PRUNE2: variants seen among roughly 807,000 people sequenced by gnomAD.
PRUNE2 encodes prune homolog 2 with BCH domain, also known as protein prune homolog 2.
Under a neutral mutation model 252.0 loss-of-function variants are expected in PRUNE2, and 164 were observed. The ratio of observed to expected loss-of-function variants is 0.65; its 90% CI spans 0.57 to 0.74. The LOEUF (loss-of-function observed/expected upper bound fraction) is 0.74. PRUNE2 is among the 30% of genes least tolerant of loss of function. The pLI, the probability that PRUNE2 is intolerant of heterozygous loss-of-function variation, is 0.00. For missense variants in PRUNE2, 3,495 were observed against 3,711.0 expected, an observed-to-expected ratio of 0.94 and a Z score of 1.51; for synonymous variants, 1,292 against 1,350.2, an observed-to-expected ratio of 0.96 and a Z score of 0.94.
At chr9:76,620,676 C>T (rs1275374189) in intron 17 of PRUNE2, among the ~76,000 whole-genome samples, 1 of 152,026 alleles carries the variant, frequency 6.6e-6, no homozygotes, top group East Asian at 1.9e-4. Flanking sequence ...TGCTGGTGGT[C>T]TGATATTTTT....
intron 6 of PRUNE2, among the ~76,000 whole-genome samples, chr9:76,776,157 T>C (rs1589158533): frequency 1.3e-5 from 2 of 152,310 alleles, no homozygotes; most frequent in Middle Eastern, 6.8e-3. Flanking sequence ...TTTTTGTAAA[T>C]TTTAGGGGGT....
rs73653238 is a variant in PRUNE2 at position 76,873,938 on chromosome 9, G to T, written c.37-19730C>A. Among the ~76,000 whole-genome samples, 1,041 of 152,298 alleles carry T rather than the reference G, an allele frequency of 6.8e-3. 11 individuals carry two copies. The highest frequency in any genetic ancestry group is 0.023 in the African/African-American group (974 of 41,562). ...ACCATATGCTTATAAATGTTATTCTGCAGGGAACCAATTAAAACTATGGAA... is the reference window on the plus strand; with the variant it reads ...ACCATATGCTTATAAATGTTATTCTTCAGGGAACCAATTAAAACTATGGAA... On this transcript the variant is annotated intron_variant, in intron 1 of 18. Coordinates refer to ENST00000376718, the MANE Select transcript of PRUNE2 (RefSeq NM_015225.3).
At chr9:76,853,896 G>A (rs1188377617) in intron 2 of PRUNE2, among the ~76,000 whole-genome samples, 1 of 152,152 alleles carries the variant, frequency 6.6e-6, no homozygotes, top group Non-Finnish European at 1.5e-5. Context: ...AGGAGAGTTG[G>A]TAAGAAATAG....
At chr9:76,681,713 T>C (rs1465076230) in intron 9 of PRUNE2, among the ~76,000 whole-genome samples, 1 of 152,126 alleles carries the variant, frequency 6.6e-6, no homozygotes, top group African/African-American at 2.4e-5. Context: ...AGAAAGGTGC[T>C]CTTCAACCGC....
At chr9:76,748,970 C>T (rs1162326959) in intron 6 of PRUNE2, among the ~76,000 whole-genome samples, 1 of 152,088 alleles carries the variant, frequency 6.6e-6, no homozygotes, top group Non-Finnish European at 1.5e-5. Flanking sequence ...CACCCACTCC[C>T]GACCTCCGTA....
At chr9:76,873,701 A>G (rs2061342033) in intron 1 of PRUNE2, among the ~76,000 whole-genome samples, 1 of 152,214 alleles carries the variant, frequency 6.6e-6, no homozygotes, top group Non-Finnish European at 1.5e-5. Flanking sequence ...CAAACCCATG[A>G]TGAAAGCTTT....
chr9:76,889,218 T>C (rs2133450113), intron 1 of PRUNE2, among the ~76,000 whole-genome samples: 1 of 152,246 alleles, frequency 6.6e-6, no homozygotes, highest in African/African-American at 2.4e-5. Context: ...CTGTGTTTTG[T>C]ATGAGAAAAG....
intron 4 of PRUNE2, among the ~76,000 whole-genome samples, chr9:76,834,179 G>A (rs574917512): frequency 3.3e-5 from 5 of 152,140 alleles, no homozygotes; most frequent in East Asian, 1.9e-4. Context: ...CACCGTGCCC[G>A]GCCCCAAGAT....
At position 76,726,312 on chromosome 9, in the gene PRUNE2, T is replaced by TCCTAGAAGAGGGATGCTGA. The variant is rs1264005496; in HGVS notation, c.757-12610_757-12592dup. On this transcript the variant is annotated intron_variant, in intron 6 of 18. Transcript: ENST00000376718. ...ACAAAGTTGGTGGGTAAGAGTCACTTCCTAGAAGAGGGATGCTGAGCAGAT... is the reference window on the plus strand; with the variant it reads ...ACAAAGTTGGTGGGTAAGAGTCACTTCCTAGAAGAGGGATGCTGACCTAGAAGAGGGATGCTGAGCAGAT... Among the ~76,000 whole-genome samples the TCCTAGAAGAGGGATGCTGA allele has an allele frequency of 2.0e-5, 3 of 152,278 alleles. No homozygotes were observed. The East Asian group carries it at 5.8e-4, about 29-fold the overall frequency.
intron 4 of PRUNE2, among the ~76,000 whole-genome samples, chr9:76,845,286 G>A (rs2059615849): frequency 6.6e-6 from 1 of 152,144 alleles, no homozygotes; most frequent in Non-Finnish European, 1.5e-5. Context: ...AATAACGCAT[G>A]TATTTTCACA....
Position 76,713,574 on chromosome 9 carries a change from G to C in PRUNE2, c.904C>G (p.Leu302Val). 1 of 1,610,522 alleles carries C rather than the reference G, an allele frequency of 6.2e-7. No individual in the cohort carries two copies. Among genetic ancestry groups the C allele is most frequent in the Non-Finnish European group, 8.5e-7 (1 of 1,178,444 alleles). Residue 302 changes from leucine to valine, a missense_variant, in exon 7 of 19, where the codon CTG becomes GTG. Leu to Val is a conservative substitution (Grantham distance 32). Transcript: ENST00000376718. ...QIAVYSENME[L>V]CSQICCELEE... ...GAGGAGGGGCTCACCTGACTGCACA[G>C]CTCCATGTTTTCTGAGTACACAGCA...
chr9:76,797,608 T>C lies in PRUNE2; in HGVS notation c.756+26024A>G, dbSNP rs113077348. Reference sequence around the variant, plus strand: ...TACCATACAGTTTATATAGGTGAAATGTGGTTTCCTTTGCAAATGTCAAGG... The same window carrying C: ...TACCATACAGTTTATATAGGTGAAACGTGGTTTCCTTTGCAAATGTCAAGG... On this transcript the variant is annotated intron_variant, in intron 6 of 18. Transcript: ENST00000376718. Among the ~76,000 whole-genome samples the C allele has an allele frequency of 8.2e-3, 1,250 of 152,270 alleles. 16 individuals are homozygous for C. The highest frequency in any genetic ancestry group is 0.028 in the African/African-American group (1,168 of 41,546).
chr9:76,884,824 G>A (rs1486259975), intron 1 of PRUNE2, among the ~76,000 whole-genome samples: 1 of 152,172 alleles, frequency 6.6e-6, no homozygotes, highest in Non-Finnish European at 1.5e-5. Context: ...TCCAGAAAAG[G>A]CCAGTTATTT....
At chr9:76,895,948 T>G (rs1589820988) in intron 1 of PRUNE2, among the ~76,000 whole-genome samples, 1 of 152,122 alleles carries the variant, frequency 6.6e-6, no homozygotes, top group East Asian at 1.9e-4. Flanking sequence ...CACTAATTTT[T>G]GTATTTTTAG....
At chr9:76,774,463 T>TATTTATTTATTTATTTA (rs1487883612) in intron 6 of PRUNE2, among the ~76,000 whole-genome samples, 1 of 141,174 alleles carries the variant, frequency 7.1e-6, no homozygotes, top group African/African-American at 2.6e-5. Context: ...TTTTTTTTTT[T>TATTTATTTATTTATTTA]TTTTTTTTTT....
At chr9:76,673,837 T>G (rs1302701916) in intron 9 of PRUNE2, among the ~76,000 whole-genome samples, 4 of 152,006 alleles carry the variant, frequency 2.6e-5, no homozygotes, top group Non-Finnish European at 5.9e-5. Context: ...AGAAAAAGCC[T>G]TTGACAAAAT....
intron 1 of PRUNE2, among the ~76,000 whole-genome samples, chr9:76,855,130 C>T (rs942245348): frequency 2.7e-5 from 4 of 146,392 alleles, no homozygotes. Context: ...AGAAGACTTG[C>T]TATTTCATTT....
At chr9:76,848,640 G>A (rs1016640398) in intron 3 of PRUNE2, among the ~76,000 whole-genome samples, 15 of 152,216 alleles carry the variant, frequency 9.9e-5, no homozygotes, top group Non-Finnish European at 1.5e-4. Flanking sequence ...GCCAAACTGT[G>A]AAAAACTAAC....
chr9:76,809,185 T>C (rs1314514473), intron 6 of PRUNE2, among the ~76,000 whole-genome samples: 2 of 152,206 alleles, frequency 1.3e-5, no homozygotes, highest in East Asian at 1.9e-4. Context: ...AATTAGGCTA[T>C]GTGCTTCTTT....
Sources: allele counts gnomAD v4.1 joint callset (sites outside exome capture counted in the v4.1 genomes callset), GRCh38; gene constraint gnomAD v4.1.1; transcripts MANE v1.5; gene names NCBI Gene and HGNC (gene_info 2026-07-23, HGNC 2026-07-21).